CCDC85A: variants seen among roughly 807,000 people sequenced by gnomAD.
CCDC85A encodes coiled-coil domain-containing protein 85A.
In CCDC85A, 38 loss-of-function variants were observed where a neutral mutation model predicts 50.2. The observed-to-expected ratio is 0.76, with a 90% CI of 0.58 to 0.99. The LOEUF (loss-of-function observed/expected upper bound fraction) is 0.99, where lower values mean the gene tolerates loss of function less well. Among genes scored for constraint, CCDC85A ranks in the 50% least tolerant of loss-of-function variants. The probability of loss-of-function intolerance (pLI) is 0.00; values close to 1 mark genes in which losing one functional copy is unlikely to be tolerated. For missense variants in CCDC85A, 820 were observed against 742.0 expected (o/e 1.11, Z -1.22); for synonymous variants, 366 against 301.4 (o/e 1.21, Z -2.22).
chr2:56,311,468 T>TA (rs1672688604), intron 2 of CCDC85A, among the ~76,000 whole-genome samples: 1 of 151,936 alleles, frequency 6.6e-6, no homozygotes, highest in African/African-American at 2.4e-5. Flanking sequence ...TTTTTTTTTT[T>TA]AATTTTATTA....
At chr2:56,325,601 T>C (rs1413212973) in intron 2 of CCDC85A, among the ~76,000 whole-genome samples, 1 of 152,156 alleles carries the variant, frequency 6.6e-6, no homozygotes, top group Non-Finnish European at 1.5e-5. Context: ...TTCCTCAGTT[T>C]TCCAGAAGAG....
At chr2:56,312,001 G>T (rs1274328848) in intron 2 of CCDC85A, among the ~76,000 whole-genome samples, 2 of 152,112 alleles carry the variant, frequency 1.3e-5, no homozygotes, top group Non-Finnish European at 2.9e-5. Flanking sequence ...TAAACTGGAG[G>T]CTACAGTAGA....
At chr2:56,285,093 TTTTC>T (rs908062092) in intron 2 of CCDC85A, among the ~76,000 whole-genome samples, 1 of 151,462 alleles carries the variant, frequency 6.6e-6, no homozygotes, top group Admixed American at 6.6e-5. Flanking sequence ...CTTACCTTTC[TTTTC>T]TTTCTTTTTT....
chr2:56,195,168 A>G (rs1295969152), intron 2 of CCDC85A, among the ~76,000 whole-genome samples: 1 of 152,230 alleles, frequency 6.6e-6, no homozygotes, highest in Non-Finnish European at 1.5e-5. Context: ...CTCTTTACAA[A>G]AGGGCTTCTT....
At chr2:56,351,108 T>G (rs1166620892) in intron 3 of CCDC85A, among the ~76,000 whole-genome samples, 24 of 143,076 alleles carry the variant, frequency 1.7e-4, no homozygotes, top group Non-Finnish European at 2.9e-4. Flanking sequence ...CGGTGTTTGG[T>G]TTTTTGTTCT....
chr2:56,213,193 C>T (rs903528886), intron 2 of CCDC85A, among the ~76,000 whole-genome samples: 1 of 152,010 alleles, frequency 6.6e-6, no homozygotes, highest in African/African-American at 2.4e-5. Context: ...TGTGTCAGCT[C>T]TGACAGCTTT....
intron 2 of CCDC85A, among the ~76,000 whole-genome samples, chr2:56,275,279 A>G (rs1670878321): frequency 6.6e-6 from 1 of 152,218 alleles, no homozygotes; most frequent in South Asian, 2.1e-4. Context: ...AGCAACCTGT[A>G]TTCATTTTTT....
At chr2:56,357,112 C>G (rs908725592) in intron 3 of CCDC85A, among the ~76,000 whole-genome samples, 9 of 151,718 alleles carry the variant, frequency 5.9e-5, no homozygotes, top group African/African-American at 1.2e-4. Flanking sequence ...CCCTAAATAG[C>G]CACTTGTGAA....
intron 2 of CCDC85A, among the ~76,000 whole-genome samples, chr2:56,261,979 T>C (rs1182356580): frequency 6.6e-6 from 1 of 152,206 alleles, no homozygotes; most frequent in Admixed American, 6.5e-5. Context: ...AAAGAGCTAA[T>C]GAAAGGCATG....
chr2:56,225,199 C>A (rs1668492234), intron 2 of CCDC85A, among the ~76,000 whole-genome samples: 1 of 151,948 alleles, frequency 6.6e-6, no homozygotes, highest in Middle Eastern at 3.4e-3. Flanking sequence ...TTGAGGTGGG[C>A]AGATCACGAG....
At chr2:56,358,961 AT>A (rs1247665108) in intron 3 of CCDC85A, among the ~76,000 whole-genome samples, 807 of 35,782 alleles carry the variant, frequency 0.023, 11 homozygotes, top group African/African-American at 0.045. Flanking sequence ...ATTTTTTTGT[AT>A]TTTTTTTTTT....
chr2:56,311,215 A>C (rs1253373703), intron 2 of CCDC85A, among the ~76,000 whole-genome samples: 1 of 152,042 alleles, frequency 6.6e-6, no homozygotes, highest in African/African-American at 2.4e-5. Flanking sequence ...TCATGTCTCA[A>C]ATTCTATAGT....
intron 3 of CCDC85A, among the ~76,000 whole-genome samples, 160 bp from the exon 4 acceptor site, chr2:56,372,184 G>A (rs1676106124): frequency 6.6e-6 from 1 of 152,092 alleles, no homozygotes; most frequent in Admixed American, 6.6e-5. Context: ...ACTTCAGATT[G>A]TTTTTATTTT....
chr2:56,343,032 A>G (rs1674453523), intron 3 of CCDC85A, 77 bp downstream of exon 3: 2 of 1,016,176 alleles, frequency 2.0e-6, no homozygotes, highest in Non-Finnish European at 3.0e-6. Context: ...TAAAAGCTCA[A>G]TGACGTTTTG....
intron 2 of CCDC85A, among the ~76,000 whole-genome samples, chr2:56,295,422 A>G (rs1395604758): frequency 6.6e-6 from 1 of 152,206 alleles, no homozygotes; most frequent in African/African-American, 2.4e-5. Context: ...TGCCTATGGC[A>G]TAAATATAAT....
chr2:56,288,935 A>G (rs1179000676), intron 2 of CCDC85A, among the ~76,000 whole-genome samples: 1 of 152,194 alleles, frequency 6.6e-6, no homozygotes, highest in Non-Finnish European at 1.5e-5. Flanking sequence ...GTCTGTGTAC[A>G]GAGAGCCTTA....
chr2:56,227,343 C>G (rs184053379), intron 2 of CCDC85A, among the ~76,000 whole-genome samples: 1 of 152,082 alleles, frequency 6.6e-6, no homozygotes, highest in Admixed American at 6.6e-5. Flanking sequence ...TGGCAACAGA[C>G]GGAAGGATAC....
chr2:56,219,934 G>A (rs553830793), intron 2 of CCDC85A, among the ~76,000 whole-genome samples: 7 of 152,096 alleles, frequency 4.6e-5, no homozygotes, highest in Non-Finnish European at 8.8e-5. Context: ...ATACAATGTG[G>A]TAAATGTAAT....
chr2:56,350,946 C>T lies in CCDC85A; in HGVS notation c.1317+7991C>T, dbSNP rs1229822168. Among the ~76,000 whole-genome samples, 11 of 147,176 alleles carry T rather than the reference C, an allele frequency of 7.5e-5. No homozygotes were observed. The East Asian group carries it at 2.0e-3, about 27-fold the overall frequency. On this transcript the variant is annotated intron_variant, in intron 3 of 5. Coordinates refer to ENST00000407595, the MANE Select transcript of CCDC85A (RefSeq NM_001080433.2). ...ATACATGTGCCATGCTGGTGTGCTG[C>T]ACCCATTAACTCGTCATTTAGCATT...
Sources: allele counts gnomAD v4.1 joint callset (sites outside exome capture counted in the v4.1 genomes callset), GRCh38; gene constraint gnomAD v4.1.1; transcripts MANE v1.5; gene names NCBI Gene and HGNC (gene_info 2026-07-23, HGNC 2026-07-21).